ZNF492: variants seen among roughly 807,000 people sequenced by gnomAD.
ZNF492 encodes zinc finger protein 115 (Y20).
ZNF492 carries 3 observed loss-of-function variants against 6.4 expected under a neutral mutation model. The observed-to-expected ratio is 0.47, with a 90% CI of 0.21 to 1.22. The LOEUF is 1.22. Among genes scored for constraint, ZNF492 ranks in the 50% most tolerant of loss-of-function variants. The pLI, the probability that ZNF492 is intolerant of heterozygous loss-of-function variation, is 0.22. For synonymous variants in ZNF492, 112 were observed against 205.3 expected, an observed-to-expected ratio of 0.55 and a Z score of 3.89; for missense variants, 356 against 612.5, an observed-to-expected ratio of 0.58 and a Z score of 4.42.
In ZNF492 at chr19:22,664,165, G is replaced by C. The variant is rs748852216; in HGVS notation, c.496G>C (p.Glu166Gln). The C allele has an allele frequency of 6.2e-7, 1 of 1,608,234 alleles. No individual in the cohort carries two copies. The highest frequency in any genetic ancestry group is 8.5e-7 in the Non-Finnish European group (1 of 1,177,238). The part of the protein sequence containing the change: ...LAQHKRIHSG[E>Q]KPYKCKECGK... ...TCAACATAAAAGAATTCATAGTGGA[G>C]AGAAACCCTACAAATGTAAAGAATG... Residue 166 changes from glutamate to glutamine, a missense_variant, in exon 4 of 4, where the codon GAG (glutamate) becomes CAG (glutamine). Glu to Gln is a conservative substitution (Grantham distance 29). Coordinates refer to ENST00000456783, the MANE Select transcript of ZNF492 (RefSeq NM_020855.3).
chr19:22,648,830 A>T (rs1209511592), intron 1 of ZNF492, among the ~76,000 whole-genome samples: 1 of 152,070 alleles, frequency 6.6e-6, no homozygotes, highest in African/African-American at 2.4e-5. Context: ...GTGTGTCTTT[A>T]CACATGAGAT....
At chr19:22,649,722 T>A (rs1250416811) in intron 1 of ZNF492, among the ~76,000 whole-genome samples, 2 of 152,224 alleles carry the variant, frequency 1.3e-5, no homozygotes, top group Admixed American at 6.5e-5. Flanking sequence ...TCTTCTACTT[T>A]GTCAATTTGG....
chr19:22,647,732 T>TC (rs1386947485), intron 1 of ZNF492, among the ~76,000 whole-genome samples: 1 of 121,550 alleles, frequency 8.2e-6, no homozygotes, highest in East Asian at 2.4e-4. Flanking sequence ...TTTTAGTTTT[T>TC]TTTTTTTTTT....
intron 3 of ZNF492, 104 bp downstream of exon 3, chr19:22,654,119 A>G (rs1378142485): frequency 1.8e-5 from 25 of 1,354,712 alleles, no homozygotes; most frequent in Non-Finnish European, 2.1e-5. Flanking sequence ...CTGTGTTCCA[A>G]AGGAAATAGT....
intron 1 of ZNF492, among the ~76,000 whole-genome samples, chr19:22,638,596 T>C (rs1191208256): frequency 2.0e-5 from 3 of 152,218 alleles, no homozygotes; most frequent in Non-Finnish European, 2.9e-5. Flanking sequence ...ACCAGTACCA[T>C]GTTGCTTTGT....
At chr19:22,649,821 T>C (rs1157846650) in intron 1 of ZNF492, among the ~76,000 whole-genome samples, 1 of 152,230 alleles carries the variant, frequency 6.6e-6, no homozygotes, top group Non-Finnish European at 1.5e-5. Context: ...AAACTGGTTA[T>C]TCTAGTTAGT....
At chr19:22,639,361 T>C (rs1282270512) in intron 1 of ZNF492, among the ~76,000 whole-genome samples, 2 of 152,112 alleles carry the variant, frequency 1.3e-5, no homozygotes, top group Non-Finnish European at 2.9e-5. Context: ...ATGCTACTAA[T>C]TTTTGTACAT....
At chr19:22,663,661 G>T in intron 3 of ZNF492, 139 bp from the exon 4 acceptor site, 1 of 794,484 alleles carries the variant, frequency 1.3e-6, no homozygotes, top group Non-Finnish European at 1.8e-6. Context: ...GCTTTTATAT[G>T]TCTGTGAAAA....
intron 1 of ZNF492, among the ~76,000 whole-genome samples, chr19:22,644,678 G>A (rs191298387): frequency 2.8e-4 from 42 of 152,226 alleles, no homozygotes; most frequent in Admixed American, 5.9e-4. Flanking sequence ...AAATAGTGCT[G>A]CAGTAAACAT....
chr19:22,656,576 G>A (rs1971998615), intron 3 of ZNF492, among the ~76,000 whole-genome samples: 1 of 152,146 alleles, frequency 6.6e-6, no homozygotes, highest in East Asian at 1.9e-4. Flanking sequence ...AGGTCTGCAG[G>A]CCTGCTGCAT....
chr19:22,665,541 A>G lies in ZNF492; in HGVS notation c.*276A>G. The G allele has an allele frequency of 2.0e-6, 1 of 497,336 alleles. No homozygotes were observed. 30.8% of individuals were successfully genotyped at this position (497,336 alleles called of 1,614,324 possible). On this transcript the variant is annotated 3_prime_UTR_variant, in exon 4 of 4. Coordinates refer to ENST00000456783, the MANE Select transcript of ZNF492 (RefSeq NM_020855.3). ...GTGCAATTACTGTCAAAAGAGTTCA[A>G]AAAATAAGCATTTAAAGTGCTGAAG... is the stretch of plus-strand genomic sequence containing the variant.
At chr19:22,635,497 G>T (rs1971751782) in intron 1 of ZNF492, among the ~76,000 whole-genome samples, 1 of 152,162 alleles carries the variant, frequency 6.6e-6, no homozygotes, top group Non-Finnish European at 1.5e-5. Context: ...TATTTAAAAA[G>T]ATATGTTTTC....
intron 1 of ZNF492, among the ~76,000 whole-genome samples, chr19:22,647,257 G>GTT (rs777750378): frequency 0.027 from 3,767 of 140,196 alleles, 70 homozygotes; most frequent in East Asian, 0.069. Context: ...TTTGTTTGTT[G>GTT]TTGTTTTTTT....
Position 22,656,670 on chromosome 19 carries a change from G to T in ZNF492, c.130+2655G>T, listed in dbSNP as rs558613725. Among the ~76,000 whole-genome samples the T allele has an allele frequency of 7.3e-4, 111 of 152,158 alleles. 3 individuals carry two copies. Among genetic ancestry groups the T allele is most frequent in the African/African-American group, 2.5e-3 (104 of 41,462 alleles). On this transcript the variant is annotated intron_variant, in intron 3 of 3. Coordinates refer to ENST00000456783, the MANE Select transcript of ZNF492 (RefSeq NM_020855.3). ...TGGCTGGGAGGAGTTTGGGATGATT[G>T]CAGTGTAAGTTCAGAATTCTCAGTG... is the stretch of plus-strand genomic sequence containing the variant.
chr19:22,667,064 A>C lies in ZNF492; in HGVS notation c.*1799A>C, dbSNP rs557055929. 2.0e-5 allele frequency: 3 copies of C among 152,140 alleles called. No individual in the cohort carries two copies. The highest frequency in any genetic ancestry group is 4.4e-5 in the Non-Finnish European group (3 of 68,054). 9.4% of individuals were successfully genotyped at this position (152,140 alleles called of 1,614,324 possible). A position where few individuals can be genotyped will look rare whatever the true frequency, so the allele number is the denominator to read the frequency against. On this transcript the variant is annotated 3_prime_UTR_variant, in exon 4 of 4. Coordinates refer to ENST00000456783, the MANE Select transcript of ZNF492 (RefSeq NM_020855.3). ...ACCAACATGGAGAAACGCCATCTCTACTAAAAATACAAAATTAGCCAGGCA... is the reference window on the plus strand; with the variant it reads ...ACCAACATGGAGAAACGCCATCTCTCCTAAAAATACAAAATTAGCCAGGCA...
At chr19:22,640,226 G>T (rs985137930) in intron 1 of ZNF492, among the ~76,000 whole-genome samples, 1 of 151,558 alleles carries the variant, frequency 6.6e-6, no homozygotes, top group Non-Finnish European at 1.5e-5. Flanking sequence ...GCAGTGGCGC[G>T]ATCTCAGCTC....
chr19:22,652,789 C>T (rs1478042860), intron 1 of ZNF492, among the ~76,000 whole-genome samples: 4 of 152,084 alleles, frequency 2.6e-5, no homozygotes, highest in African/African-American at 7.3e-5. Flanking sequence ...CCGTGTTAGC[C>T]AGGATAGTCT....
intron 3 of ZNF492, among the ~76,000 whole-genome samples, chr19:22,662,704 A>G (rs944069901): frequency 3.1e-4 from 47 of 151,214 alleles, no homozygotes; most frequent in African/African-American, 9.7e-4. Context: ...GCATTTTTCC[A>G]TGTGTCTGTT....
chr19:22,653,199 C>T, intron 1 of ZNF492, 108 bp from the exon 2 acceptor site: 5 of 1,271,588 alleles, frequency 3.9e-6, no homozygotes, highest in Admixed American at 2.3e-5. Context: ...TCAGTCACTC[C>T]TATAAGTAAG....
Sources: gnomAD v4.1 joint callset for allele counts (sites outside exome capture counted in the v4.1 genomes callset) on GRCh38, gnomAD v4.1.1 for gene constraint, MANE v1.5 for transcripts, NCBI Gene and HGNC (gene_info 2026-07-23, HGNC 2026-07-21) for gene names.